Variants in TAFA1 observed in about 807,000 individuals in gnomAD.
TAFA1 encodes the protein TAFA chemokine like family member 1.
Under a neutral mutation model 18.5 loss-of-function variants are expected in TAFA1, and 4 were observed. The observed-to-expected ratio is 0.22, with a 90% CI of 0.11 to 0.49. The LOEUF (loss-of-function observed/expected upper bound fraction) is 0.49. Among genes scored for constraint, TAFA1 ranks in the 20% least tolerant of loss-of-function variants. The probability of loss-of-function intolerance (pLI) is 0.98; values close to 1 mark genes in which losing one functional copy is unlikely to be tolerated. For missense variants in TAFA1, 147 were observed against 169.0 expected (o/e 0.87, Z 0.72); for synonymous variants, 56 against 55.2 (o/e 1.01, Z -0.06).
chr3:68,131,883 C>T (rs150148414), intron 2 of TAFA1, among the ~76,000 whole-genome samples: 6 of 146,514 alleles, frequency 4.1e-5, no homozygotes, highest in Non-Finnish European at 7.5e-5. Flanking sequence ...TATTTTTTAA[C>T]CTTTTTTTTT....
At chr3:68,479,122 T>A (rs1183818802) in intron 3 of TAFA1, among the ~76,000 whole-genome samples, 1 of 149,498 alleles carries the variant, frequency 6.7e-6, no homozygotes, top group Non-Finnish European at 1.5e-5. Flanking sequence ...TCCCAGCCAC[T>A]TAGGAGGCTG....
chr3:68,419,194 C>A (rs531353435), intron 3 of TAFA1, among the ~76,000 whole-genome samples: 1 of 152,120 alleles, frequency 6.6e-6, no homozygotes, highest in Admixed American at 6.6e-5. Context: ...TTTTTTATTT[C>A]CACAATATCC....
At chr3:68,000,115 C>T (rs927557785), upstream of TAFA1, among the ~76,000 whole-genome samples, 1 of 152,130 alleles carries the variant, frequency 6.6e-6, no homozygotes, top group African/African-American at 2.4e-5. Flanking sequence ...GTAAAGGCAG[C>T]TCATTATGCA....
At chr3:68,538,062 T>C (rs1185759945) in intron 3 of TAFA1, among the ~76,000 whole-genome samples, 4 of 152,048 alleles carry the variant, frequency 2.6e-5, no homozygotes, top group African/African-American at 7.2e-5. Context: ...TGGCAAACAG[T>C]TCTCATGTGC....
chr3:68,162,907 A>T (rs2065942850), intron 2 of TAFA1, among the ~76,000 whole-genome samples: 1 of 152,236 alleles, frequency 6.6e-6, no homozygotes, highest in Admixed American at 6.5e-5. Flanking sequence ...ATTTATGTGC[A>T]CTTTAGTGGC....
chr3:68,222,911 G>A (rs530471367), intron 2 of TAFA1, among the ~76,000 whole-genome samples: 2 of 151,998 alleles, frequency 1.3e-5, no homozygotes, highest in Non-Finnish European at 2.9e-5. Context: ...GACCTCAAGC[G>A]ATCCACCCAC....
chr3:68,422,203 C>A (rs1423537626), intron 3 of TAFA1, among the ~76,000 whole-genome samples: 1 of 152,096 alleles, frequency 6.6e-6, no homozygotes, highest in Non-Finnish European at 1.5e-5. Flanking sequence ...CAAGTGAATA[C>A]ATATTCTTCA....
intron 2 of TAFA1, among the ~76,000 whole-genome samples, chr3:68,207,760 C>T (rs889822501): frequency 2.0e-5 from 3 of 151,966 alleles, no homozygotes; most frequent in Admixed American, 6.6e-5. Context: ...TAATCCCTTA[C>T]TATATGTCAG....
intron 2 of TAFA1, among the ~76,000 whole-genome samples, chr3:68,138,936 C>A (rs2065638802): frequency 6.6e-6 from 1 of 152,156 alleles, no homozygotes; most frequent in Non-Finnish European, 1.5e-5. Flanking sequence ...GAAACTGAGG[C>A]TCTATGGGCC....
Position 68,499,094 on chromosome 3 carries a change from A to T in TAFA1, c.260-39662A>T, listed in dbSNP as rs143661773. Among the ~76,000 whole-genome samples, 254 of 152,236 alleles carry T rather than the reference A, an allele frequency of 1.7e-3. 3 individuals are homozygous for T. The highest frequency in any genetic ancestry group is 5.7e-3 in the African/African-American group (238 of 41,550). On this transcript the variant is annotated intron_variant, in intron 3 of 4. Transcript: ENST00000478136. The stretch of plus-strand genomic sequence containing the variant: ...GAACTGGAGAAATCATCAAAGAGAT[A>T]CGATTTTTCCTTACTCTTTTAAAGC...
intron 2 of TAFA1, among the ~76,000 whole-genome samples, chr3:68,076,594 G>A (rs1204575106): frequency 1.3e-5 from 2 of 152,150 alleles, no homozygotes; most frequent in Non-Finnish European, 2.9e-5. Context: ...TACTGAGAAT[G>A]ATGCTTTCCA....
intron 2 of TAFA1, among the ~76,000 whole-genome samples, chr3:68,309,759 G>T (rs531502245): frequency 2.6e-5 from 4 of 152,304 alleles, no homozygotes; most frequent in African/African-American, 7.2e-5. Flanking sequence ...GGGAAGGATG[G>T]CTTCAAAGGG....
intron 2 of TAFA1, among the ~76,000 whole-genome samples, chr3:68,011,942 C>G (rs1300863971): frequency 6.6e-6 from 1 of 152,180 alleles, no homozygotes; most frequent in Non-Finnish European, 1.5e-5. Flanking sequence ...TATAAAAACT[C>G]TTACTTACGT....
intron 2 of TAFA1, among the ~76,000 whole-genome samples, chr3:68,125,092 G>A (rs1465561573): frequency 6.6e-6 from 1 of 152,142 alleles, no homozygotes; most frequent in Admixed American, 6.5e-5. Flanking sequence ...TTTTCCTTTA[G>A]GCCTAGAGAA....
At chr3:68,370,739 A>AT (rs2069688850) in intron 2 of TAFA1, among the ~76,000 whole-genome samples, 1 of 148,118 alleles carries the variant, frequency 6.8e-6, no homozygotes, top group South Asian at 2.1e-4. Context: ...CAATTGGAGA[A>AT]TGACTGTTCT....
the TAFA1 span, among the ~76,000 whole-genome samples, chr3:67,998,494 C>T: frequency 3.3e-5 from 5 of 152,192 alleles, no homozygotes; most frequent in African/African-American, 1.2e-4. Context: ...CAATGTGATC[C>T]TTCCCCCTGG....
At chr3:68,155,302 C>T (rs964812427) in intron 2 of TAFA1, among the ~76,000 whole-genome samples, 2 of 152,142 alleles carry the variant, frequency 1.3e-5, no homozygotes, top group African/African-American at 4.8e-5. Context: ...TTGCCAACCC[C>T]CAGAACTGTG....
At chr3:68,304,058 G>A (rs1447249597) in intron 2 of TAFA1, among the ~76,000 whole-genome samples, 1 of 152,152 alleles carries the variant, frequency 6.6e-6, no homozygotes, top group Non-Finnish European at 1.5e-5. Context: ...AGAGCTATTT[G>A]AAAATGATAG....
chr3:68,052,816 A>G (rs905191699), intron 2 of TAFA1, among the ~76,000 whole-genome samples: 1 of 152,242 alleles, frequency 6.6e-6, no homozygotes, highest in African/African-American at 2.4e-5. Flanking sequence ...TCCCACAAAT[A>G]CAACATGAAC....
Sources: gnomAD v4.1 joint callset for allele counts (sites outside exome capture counted in the v4.1 genomes callset) on GRCh38, gnomAD v4.1.1 for gene constraint, MANE v1.5 for transcripts, NCBI Gene and HGNC (gene_info 2026-07-23, HGNC 2026-07-21) for gene names.